The following MEGF11 variants were observed in gnomAD, a reference collection of about 807,000 sequenced individuals.
The protein encoded by MEGF11 is multiple EGF like domains 11.
MEGF11 carries 126 observed loss-of-function variants against 146.6 expected under a neutral mutation model. That is an observed-to-expected ratio of 0.86 (90% CI 0.74 to 1.00). The LOEUF (loss-of-function observed/expected upper bound fraction) is 1.00, where lower values mean the gene tolerates loss of function less well. Ranked by LOEUF, MEGF11 falls within the 50% of genes least tolerant of loss-of-function variation. The pLI, the probability that MEGF11 is intolerant of heterozygous loss-of-function variation, is 0.00. For missense variants in MEGF11, 1,509 were observed against 1,521.2 expected (o/e 0.99, Z 0.13); for synonymous variants, 532 against 583.4 (o/e 0.91, Z 1.27).
At chr15:66,155,815 C>G (rs1370572923) in intron 1 of MEGF11, among the ~76,000 whole-genome samples, 1 of 152,222 alleles carries the variant, frequency 6.6e-6, no homozygotes, top group African/African-American at 2.4e-5. Flanking sequence ...TTCTTCTTCC[C>G]CACTCCACTG....
intron 4 of MEGF11, among the ~76,000 whole-genome samples, chr15:66,096,219 A>G (rs1383178293): frequency 6.6e-6 from 1 of 152,170 alleles, no homozygotes; most frequent in African/African-American, 2.4e-5. Flanking sequence ...AGCTTGTCAC[A>G]TTAGCTCACT....
intron 7 of MEGF11, 35 bp downstream of exon 7, chr15:65,980,743 C>T (rs113207474): frequency 0.02 from 30,508 of 1,555,276 alleles, 377 homozygotes; most frequent in Non-Finnish European, 0.023. Flanking sequence ...GCTCAGCCCT[C>T]CAGTGCCCCA....
chr15:65,940,714 G>C (rs1050266690), intron 10 of MEGF11, among the ~76,000 whole-genome samples: 2 of 152,228 alleles, frequency 1.3e-5, no homozygotes, highest in Non-Finnish European at 2.9e-5. Flanking sequence ...CCCTGACCCT[G>C]CCTTCCTATG....
At chr15:66,027,735 T>G (rs932986204) in intron 5 of MEGF11, among the ~76,000 whole-genome samples, 1 of 152,214 alleles carries the variant, frequency 6.6e-6, no homozygotes, top group African/African-American at 2.4e-5. Flanking sequence ...GTGGTTCTGA[T>G]GCATGATCAG....
chr15:65,898,485 C>T (rs916994572), intron 25 of MEGF11: 2 of 985,262 alleles, frequency 2.0e-6, no homozygotes, highest in African/African-American at 1.7e-5. Context: ...GCCCATTTCC[C>T]ACCCCCAGTA....
In MEGF11 at chr15:66,095,176, C is replaced by G. The variant is rs563564157; in HGVS notation, c.302-682G>C. Among the ~76,000 whole-genome samples, 14 of 152,364 alleles carry G rather than the reference C, an allele frequency of 9.2e-5. No individual in the cohort carries two copies. In the South Asian group the frequency reaches 2.7e-3, roughly 29 times the overall value. ...AGCCTCCTGAGGTGGGAGGTTACAGCGGCAGGCAGTTTGCCTCAACCACTC... is the reference window on the plus strand; with the variant it reads ...AGCCTCCTGAGGTGGGAGGTTACAGGGGCAGGCAGTTTGCCTCAACCACTC... On this transcript the variant is annotated intron_variant, in intron 4 of 25. Coordinates refer to ENST00000395614, the MANE Select transcript of MEGF11 (RefSeq NM_001385028.1).
At chr15:65,990,173 T>C (rs2081984406) in intron 5 of MEGF11, among the ~76,000 whole-genome samples, 1 of 152,084 alleles carries the variant, frequency 6.6e-6, no homozygotes, top group African/African-American at 2.4e-5. Context: ...ACTGTACCAC[T>C]GCTCTCCAGC....
At chr15:65,917,265 A>G (rs563140015) in intron 16 of MEGF11, among the ~76,000 whole-genome samples, 8 of 152,184 alleles carry the variant, frequency 5.3e-5, no homozygotes, top group African/African-American at 1.9e-4. Context: ...GCGGGTAAAC[A>G]CTGTGGTTTA....
chr15:66,188,708 C>T (rs2090782256), intron 1 of MEGF11, among the ~76,000 whole-genome samples: 1 of 152,214 alleles, frequency 6.6e-6, no homozygotes. Context: ...CCTCCACCTA[C>T]TGGCCCTTGT....
intron 5 of MEGF11, among the ~76,000 whole-genome samples, chr15:66,092,852 C>T (rs2086376179): frequency 6.6e-6 from 1 of 152,244 alleles, no homozygotes. Flanking sequence ...CAGGCAGACC[C>T]ATCCCAGCAG....
intron 1 of MEGF11, among the ~76,000 whole-genome samples, chr15:66,248,931 G>A (rs778662264): frequency 4.6e-5 from 7 of 152,102 alleles, no homozygotes; most frequent in Non-Finnish European, 1.0e-4. Context: ...TAAAATAATC[G>A]ATAAATAGAA....
chr15:66,005,528 G>A (rs560831908), intron 5 of MEGF11, among the ~76,000 whole-genome samples: 6 of 152,352 alleles, frequency 3.9e-5, no homozygotes, highest in Non-Finnish European at 7.3e-5. Context: ...AGCAAAAAAG[G>A]CAGGAGTGTG....
intron 9 of MEGF11, among the ~76,000 whole-genome samples, chr15:65,962,962 A>G (rs2080917673): frequency 6.6e-6 from 1 of 152,224 alleles, no homozygotes; most frequent in South Asian, 2.1e-4. Flanking sequence ...GCGGGAGAGA[A>G]GAGGGGGAGT....
chr15:66,116,947 C>G (rs369378369), intron 4 of MEGF11, among the ~76,000 whole-genome samples: 138 of 152,326 alleles, frequency 9.1e-4, no homozygotes, highest in African/African-American at 3.1e-3. Context: ...GACTCTGGAG[C>G]CAGACAGCCT....
intron 2 of MEGF11, among the ~76,000 whole-genome samples, chr15:66,125,348 AC>A (rs2088283356): frequency 6.6e-6 from 1 of 152,192 alleles, no homozygotes; most frequent in Non-Finnish European, 1.5e-5. Flanking sequence ...CACTCCAGCC[AC>A]CCAGAGTCCT....
chr15:66,166,021 G>A (rs992113397), intron 1 of MEGF11, among the ~76,000 whole-genome samples: 22 of 152,136 alleles, frequency 1.4e-4, no homozygotes, highest in Non-Finnish European at 5.9e-5. Flanking sequence ...CACTCCCTGG[G>A]TGATCTCATC....
intron 1 of MEGF11, among the ~76,000 whole-genome samples, chr15:66,230,889 C>T (rs1430738317): frequency 6.6e-6 from 1 of 152,140 alleles, no homozygotes; most frequent in African/African-American, 2.4e-5. Context: ...GGGGACTTGG[C>T]TCGTCCAAAT....
chr15:66,188,611 G>A (rs1031264720), intron 1 of MEGF11, among the ~76,000 whole-genome samples: 13 of 152,166 alleles, frequency 8.5e-5, no homozygotes, highest in African/African-American at 3.1e-4. Flanking sequence ...CAGAGGGAGG[G>A]TCCACCTTGC....
chr15:66,230,094 G>A (rs534090176), intron 1 of MEGF11, among the ~76,000 whole-genome samples: 4 of 152,224 alleles, frequency 2.6e-5, no homozygotes, highest in South Asian at 2.1e-4. Context: ...GGGTTTAGGC[G>A]GCTGTGTCCC....
Sources: allele counts gnomAD v4.1 joint callset (sites outside exome capture counted in the v4.1 genomes callset), GRCh38; gene constraint gnomAD v4.1.1; transcripts MANE v1.5; gene names NCBI Gene and HGNC (gene_info 2026-07-23, HGNC 2026-07-21).